The following MARCHF1 variants were observed in gnomAD, a reference collection of about 807,000 sequenced individuals.
MARCHF1 encodes E3 ubiquitin-protein ligase MARCHF1.
In MARCHF1, 40 loss-of-function variants were observed where a neutral mutation model predicts 54.2. That is an observed-to-expected ratio of 0.74 (90% CI 0.57 to 0.96). The LOEUF is 0.96. Ranked by LOEUF, MARCHF1 falls within the 40% of genes least tolerant of loss-of-function variation. The pLI, the probability that MARCHF1 is intolerant of heterozygous loss-of-function variation, is 0.00. For synonymous variants in MARCHF1, 236 were observed against 236.3 expected (o/e 1.00, Z 0.01); for missense variants, 586 against 656.5 (o/e 0.89, Z 1.17).
chr4:163,860,034 C>T (rs896468748), intron 3 of MARCHF1, among the ~76,000 whole-genome samples: 1 of 152,110 alleles, frequency 6.6e-6, no homozygotes, highest in African/African-American at 2.4e-5. Flanking sequence ...GTCATCACTC[C>T]CATTCTTATA....
intron 5 of MARCHF1, among the ~76,000 whole-genome samples, chr4:163,645,195 A>T (rs976681669): frequency 6.6e-6 from 1 of 152,190 alleles, no homozygotes; most frequent in Non-Finnish European, 1.5e-5. Flanking sequence ...AAGATAGTTC[A>T]GTCCACCTAG....
Position 163,873,066 on chromosome 4 carries a change from CAAAA to C in MARCHF1, c.-38-18901_-38-18898del, listed in dbSNP as rs914185405. 2.1e-3 allele frequency among the ~76,000 whole-genome samples: 275 copies of C among 132,672 alleles called. 1 individual carries two copies. The highest frequency in any genetic ancestry group is 7.4e-3 in the Middle Eastern group (2 of 270). The allele number at this position is 132,672 out of a possible 152,430, so 87.0% of individuals were successfully genotyped here. ...CTCAAAAAAAAAACAAACAAACAAA[CAAAA>C]AAAAACAAACAAACAAACAAAAAAA... On this transcript the variant is annotated intron_variant, in intron 3 of 9. Coordinates refer to ENST00000514618, the MANE Select transcript of MARCHF1 (RefSeq NM_001394959.1).
chr4:163,585,744 T>C lies in MARCHF1; in HGVS notation c.1191+5A>G, dbSNP rs367877521. 1.3e-6 allele frequency: 2 copies of C among 1,579,656 alleles called. No homozygotes were observed. The highest frequency in any genetic ancestry group is 1.4e-5 in the African/African-American group (1 of 73,922). ...CTCCCAAACCAATTCCTATGGATAC[T>C]GTACCTTCCGGAGGGGTTTGAGCTT... is the stretch of plus-strand genomic sequence containing the variant. On this transcript the variant is annotated splice_donor_5th_base_variant and intron_variant, in intron 8 of 9. Transcript: ENST00000514618.
At chr4:163,653,023 T>C (rs1299924486) in intron 5 of MARCHF1, among the ~76,000 whole-genome samples, 1 of 151,660 alleles carries the variant, frequency 6.6e-6, no homozygotes, top group Non-Finnish European at 1.5e-5. Flanking sequence ...AAAAAGAAAA[T>C]GCATCAGGTA....
chr4:163,569,917 G>T (rs186116954), intron 8 of MARCHF1, among the ~76,000 whole-genome samples: 91 of 152,270 alleles, frequency 6.0e-4, no homozygotes, highest in Admixed American at 2.0e-3. Context: ...TCTTTAGAAA[G>T]TAGGCATAAG....
intron 1 of MARCHF1, among the ~76,000 whole-genome samples, chr4:164,150,543 AC>A (rs1268969291): frequency 1.3e-5 from 2 of 151,910 alleles, no homozygotes; most frequent in Non-Finnish European, 2.9e-5. Flanking sequence ...ACCTTGCCCT[AC>A]TCTGGTGGTC....
chr4:163,578,081 G>C (rs954574363), intron 8 of MARCHF1, among the ~76,000 whole-genome samples: 1 of 151,676 alleles, frequency 6.6e-6, no homozygotes, highest in South Asian at 2.1e-4. Context: ...GTTTTTTTAT[G>C]CTTTCCATAT....
chr4:164,141,422 A>G (rs1756531327), intron 1 of MARCHF1, among the ~76,000 whole-genome samples: 1 of 152,146 alleles, frequency 6.6e-6, no homozygotes. Flanking sequence ...ACATACTAAA[A>G]CCTATTTATA....
intron 2 of MARCHF1, among the ~76,000 whole-genome samples, chr4:164,041,105 A>G (rs530363961): frequency 4.6e-5 from 7 of 152,172 alleles, no homozygotes; most frequent in African/African-American, 7.2e-5. Flanking sequence ...CACATATTGT[A>G]TTGTGAAACT....
intron 1 of MARCHF1, among the ~76,000 whole-genome samples, chr4:164,176,964 C>CCATA (rs1367492961): frequency 1.9e-4 from 9 of 47,704 alleles, no homozygotes; most frequent in East Asian, 5.1e-4. Flanking sequence ...CTCTCTCTCT[C>CCATA]TCTCTCTCTC....
intron 1 of MARCHF1, chr4:164,190,092 A>G: frequency 7.0e-7 from 1 of 1,427,756 alleles, no homozygotes; most frequent in Non-Finnish European, 9.8e-7. Flanking sequence ...TTCTCTAAAG[A>G]ATCAGATTGG....
At chr4:163,539,515 C>T (rs1738656664) in intron 9 of MARCHF1, among the ~76,000 whole-genome samples, 2 of 152,222 alleles carry the variant, frequency 1.3e-5, no homozygotes, top group South Asian at 2.1e-4. Flanking sequence ...TTGGCTGATT[C>T]AGCTGTAGGT....
intron 8 of MARCHF1, among the ~76,000 whole-genome samples, chr4:163,577,861 G>A (rs1740090167): frequency 6.6e-6 from 1 of 151,360 alleles, no homozygotes. Context: ...TCTTCTGCTT[G>A]GTTATTAATA....
intron 8 of MARCHF1, among the ~76,000 whole-genome samples, chr4:163,574,941 C>T (rs956214907): frequency 1.8e-3 from 274 of 151,834 alleles, no homozygotes; most frequent in Non-Finnish European, 3.3e-3. Context: ...TTCTTCCTAC[C>T]CATGAGCATG....
chr4:164,077,465 C>T (rs1755004720), intron 2 of MARCHF1, among the ~76,000 whole-genome samples: 1 of 152,122 alleles, frequency 6.6e-6, no homozygotes, highest in Non-Finnish European at 1.5e-5. Flanking sequence ...AGGACATAGG[C>T]ATGGGCAAAG....
intron 1 of MARCHF1, among the ~76,000 whole-genome samples, chr4:164,330,993 T>G (rs1735420601): frequency 6.6e-6 from 1 of 152,176 alleles, no homozygotes; most frequent in Non-Finnish European, 1.5e-5. Flanking sequence ...AGCTTTACAT[T>G]TTTTTGTGTC....
chr4:163,819,698 A>C (rs1229042985), intron 4 of MARCHF1, among the ~76,000 whole-genome samples: 2 of 152,072 alleles, frequency 1.3e-5, no homozygotes, highest in Admixed American at 1.3e-4. Flanking sequence ...CTCAGATGGA[A>C]ATGTCTTTAT....
rs573709636 is a variant in MARCHF1, at chr4:164,291,169, G to A, written c.-323+92701C>T. On this transcript the variant is annotated intron_variant, in intron 1 of 9. Coordinates refer to ENST00000514618, the MANE Select transcript of MARCHF1 (RefSeq NM_001394959.1). ...AATACTTGATAATTTTTGAAAATTT[G>A]GGTACAGTTTTTCTATCCTGATTTT... Among the ~76,000 whole-genome samples the A allele has an allele frequency of 5.9e-5, 9 of 151,924 alleles. No individual in the cohort carries two copies. The South Asian group carries it at 1.9e-3, about 32-fold the overall frequency.
At chr4:163,729,895 T>C (rs1337100257) in intron 4 of MARCHF1, among the ~76,000 whole-genome samples, 2 of 152,120 alleles carry the variant, frequency 1.3e-5, no homozygotes, top group African/African-American at 4.8e-5. Context: ...TGTGTCTCAG[T>C]TATTATTCGC....
Sources: allele counts gnomAD v4.1 joint callset (sites outside exome capture counted in the v4.1 genomes callset), GRCh38; gene constraint gnomAD v4.1.1; transcripts MANE v1.5; gene names NCBI Gene and HGNC (gene_info 2026-07-23, HGNC 2026-07-21).